The following SH3GL3 variants were observed in gnomAD, a reference collection of about 807,000 sequenced individuals.
SH3GL3 encodes the protein endophilin-A3.
Under a neutral mutation model 47.7 loss-of-function variants are expected in SH3GL3, and 33 were observed. The observed-to-expected ratio is 0.69, with a 90% CI of 0.52 to 0.92. SH3GL3 has a LOEUF of 0.92. Among genes scored for constraint, SH3GL3 ranks in the 40% least tolerant of loss-of-function variants. The pLI is 0.00. For synonymous variants in SH3GL3, 155 were observed against 148.8 expected (o/e 1.04, Z -0.30); for missense variants, 363 against 417.8 (o/e 0.87, Z 1.14).
At position 83,603,520 on chromosome 15, in the gene SH3GL3, C is replaced by T. The variant is rs544062544; in HGVS notation, c.839-14562C>T. 3.9e-5 allele frequency among the ~76,000 whole-genome samples: 6 copies of T among 152,326 alleles called. No individual in the cohort carries two copies. The South Asian group carries it at 1.2e-3, about 32-fold the overall frequency. On this transcript the variant is annotated intron_variant, in intron 8 of 8. Transcript: ENST00000427482. ...CACCTTTCGTTGCGTCTTTGCCACA[C>T]AGCTGAGTTCCTTTAGTTTAGGGAG... is the stretch of plus-strand genomic sequence containing the variant.
intron 4 of SH3GL3, among the ~76,000 whole-genome samples, chr15:83,570,807 G>A (rs986035250): frequency 6.6e-5 from 10 of 152,328 alleles, no homozygotes; most frequent in African/African-American, 1.9e-4. Context: ...GCAGTATAAT[G>A]TGAATTTTAT....
At chr15:83,527,789 T>C (rs550510972) in intron 1 of SH3GL3, among the ~76,000 whole-genome samples, 6 of 152,318 alleles carry the variant, frequency 3.9e-5, no homozygotes, top group Non-Finnish European at 7.4e-5. Context: ...TGTTCCTTTC[T>C]TTCTCTCTTA....
chr15:83,615,909 AAATT>A (rs1357777036), intron 8 of SH3GL3, among the ~76,000 whole-genome samples: 1 of 152,222 alleles, frequency 6.6e-6, no homozygotes, highest in African/African-American at 2.4e-5. Context: ...TACTAGAATA[AAATT>A]TAGTTGAGTC....
chr15:83,506,950 T>TAA (rs1018709174), intron 1 of SH3GL3, among the ~76,000 whole-genome samples: 1 of 141,740 alleles, frequency 7.1e-6, no homozygotes. Context: ...TCTCTTTTGC[T>TAA]AAAAAAAAAA....
At position 83,520,891 on chromosome 15, in the gene SH3GL3, A is replaced by G. The variant is rs117825052; in HGVS notation, c.46-38362A>G. ...GTGTAGTAATCATTTCACTATCTAT[A>G]TGTATATTAAAACATTATGTTGTGT... On this transcript the variant is annotated intron_variant, in intron 1 of 8. Transcript: ENST00000427482. Among the ~76,000 whole-genome samples, 190 of 152,286 alleles carry G rather than the reference A, an allele frequency of 1.2e-3. 6 individuals are homozygous for G. The East Asian group carries it at 0.035, about 28-fold the overall frequency.
chr15:83,465,056 A>T (rs1421781987), intron 1 of SH3GL3, among the ~76,000 whole-genome samples: 1 of 150,744 alleles, frequency 6.6e-6, no homozygotes, highest in Non-Finnish European at 1.5e-5. Context: ...GTGGGAAAAA[A>T]AAAAGAACTT....
At chr15:83,502,625 A>G (rs771078809) in intron 1 of SH3GL3, among the ~76,000 whole-genome samples, 17 of 152,180 alleles carry the variant, frequency 1.1e-4, no homozygotes, top group African/African-American at 1.7e-4. Flanking sequence ...GTGTGCCATC[A>G]TGGCTCACTG....
At chr15:83,613,891 G>C (rs1250332239) in intron 8 of SH3GL3, among the ~76,000 whole-genome samples, 1 of 152,164 alleles carries the variant, frequency 6.6e-6, no homozygotes, top group African/African-American at 2.4e-5. Flanking sequence ...ACTCATGGAG[G>C]ACTGCCAAAT....
intron 1 of SH3GL3, among the ~76,000 whole-genome samples, chr15:83,473,715 T>A (rs1034194525): frequency 6.6e-5 from 10 of 151,900 alleles, no homozygotes; most frequent in Non-Finnish European, 1.0e-4. Flanking sequence ...GTCCGGCTAA[T>A]TTTTTGTATT....
At chr15:83,546,697 C>A (rs575002409) in intron 1 of SH3GL3, among the ~76,000 whole-genome samples, 1 of 152,066 alleles carries the variant, frequency 6.6e-6, no homozygotes, top group East Asian at 1.9e-4. Flanking sequence ...TGCTGCCTGG[C>A]TACAGATGGT....
At chr15:83,507,757 C>G (rs1167074545) in intron 1 of SH3GL3, among the ~76,000 whole-genome samples, 3 of 151,906 alleles carry the variant, frequency 2.0e-5, no homozygotes, top group Non-Finnish European at 2.9e-5. Flanking sequence ...CAGTGCCCAC[C>G]CACTGTGTAC....
At chr15:83,468,491 C>CT (rs1353659530) in intron 1 of SH3GL3, among the ~76,000 whole-genome samples, 1 of 152,178 alleles carries the variant, frequency 6.6e-6, no homozygotes, top group Non-Finnish European at 1.5e-5. Flanking sequence ...GTAGTGTTCA[C>CT]TGTAGGATTT....
At chr15:83,467,735 C>T (rs2040631281) in intron 1 of SH3GL3, among the ~76,000 whole-genome samples, 1 of 152,158 alleles carries the variant, frequency 6.6e-6, no homozygotes, top group African/African-American at 2.4e-5. Flanking sequence ...TAGTTGTCAG[C>T]ACATAGATCG....
At chr15:83,620,785 C>T (rs1401776244), downstream of SH3GL3, among the ~76,000 whole-genome samples, 1 of 152,184 alleles carries the variant, frequency 6.6e-6, no homozygotes, top group Admixed American at 6.5e-5. Context: ...TTAATCTGTC[C>T]TTTGAAGCAT....
intron 1 of SH3GL3, among the ~76,000 whole-genome samples, chr15:83,531,144 T>C (rs537539003): frequency 6.6e-6 from 1 of 152,336 alleles, no homozygotes; most frequent in East Asian, 1.9e-4. Context: ...TCAGAGGGCC[T>C]ACTACTTTGT....
intron 1 of SH3GL3, among the ~76,000 whole-genome samples, chr15:83,514,752 C>A (rs1174116324): frequency 1.3e-5 from 2 of 152,128 alleles, no homozygotes; most frequent in Non-Finnish European, 2.9e-5. Context: ...TTGTGAGCAC[C>A]TTTTGACCCC....
At chr15:83,626,030 G>A in the SH3GL3 span, among the ~76,000 whole-genome samples, 25 of 152,120 alleles carry the variant, frequency 1.6e-4, no homozygotes, top group African/African-American at 5.3e-4. Flanking sequence ...ACGGGGTTTC[G>A]CCATGTTGGC....
intron 1 of SH3GL3, among the ~76,000 whole-genome samples, chr15:83,490,205 T>C (rs560952137): frequency 1.3e-5 from 2 of 151,916 alleles, no homozygotes; most frequent in South Asian, 4.2e-4. Flanking sequence ...TCTCTGTGGG[T>C]CTAAGCTGGC....
chr15:83,513,196 C>T (rs751148819), intron 1 of SH3GL3, among the ~76,000 whole-genome samples: 57 of 152,146 alleles, frequency 3.7e-4, no homozygotes, highest in Non-Finnish European at 5.1e-4. Context: ...TTGGAAGGGT[C>T]TTTGAGAAGT....
Sources: gnomAD v4.1 joint callset for allele counts (sites outside exome capture counted in the v4.1 genomes callset) on GRCh38, gnomAD v4.1.1 for gene constraint, MANE v1.5 for transcripts, NCBI Gene and HGNC (gene_info 2026-07-23, HGNC 2026-07-21) for gene names.